ZNF362: variants seen among roughly 807,000 people sequenced by gnomAD.
ZNF362 encodes the protein rotund homolog.
ZNF362 carries 11 observed loss-of-function variants against 42.9 expected under a neutral mutation model. The ratio of observed to expected loss-of-function variants is 0.26; its 90% CI spans 0.16 to 0.42. ZNF362 has a LOEUF of 0.42. ZNF362 is among the 20% of genes least tolerant of loss of function. The probability of loss-of-function intolerance (pLI) is 1.00; values close to 1 mark genes in which losing one functional copy is unlikely to be tolerated. For missense variants in ZNF362, 362 were observed against 576.2 expected (o/e 0.63, Z 3.81); for synonymous variants, 255 against 257.3 (o/e 0.99, Z 0.09).
the ZNF362 span, among the ~76,000 whole-genome samples, chr1:33,239,750 C>T: frequency 6.6e-6 from 1 of 152,102 alleles, no homozygotes; most frequent in East Asian, 1.9e-4. Context: ...GCCCTTGACA[C>T]GTGGAGATTA....
At chr1:33,253,013 TG>T (rs1335644378), upstream of ZNF362, among the ~76,000 whole-genome samples, 1 of 151,532 alleles carries the variant, frequency 6.6e-6, no homozygotes, top group Non-Finnish European at 1.5e-5. Context: ...ATGGACACCT[TG>T]GGAACCAAAG....
At chr1:33,164,786 C>G in the ZNF362 span, 1 of 151,538 alleles carries the variant, frequency 6.6e-6, no homozygotes, top group South Asian at 2.1e-4. Flanking sequence ...TTCATTCATT[C>G]ATTCATTTTA....
chr1:33,293,953 C>T (rs778875655), intron 6 of ZNF362, among the ~76,000 whole-genome samples: 1 of 152,188 alleles, frequency 6.6e-6, no homozygotes, highest in Non-Finnish European at 1.5e-5. Context: ...CCCTCCTTCC[C>T]GTCACTCATG....
chr1:33,296,338 A>G (rs910613207), intron 8 of ZNF362, among the ~76,000 whole-genome samples: 2 of 152,072 alleles, frequency 1.3e-5, no homozygotes, highest in Non-Finnish European at 1.5e-5. Flanking sequence ...GCTGAGCTGC[A>G]GGGCCATGCC....
the ZNF362 span, chr1:33,196,056 A>T: frequency 1.3e-5 from 2 of 152,008 alleles, no homozygotes; most frequent in African/African-American, 4.8e-5. Flanking sequence ...TATTATTCTT[A>T]GGTTTTACTT....
intron 1 of ZNF362, among the ~76,000 whole-genome samples, chr1:33,262,294 A>ATTTTT (rs1645833196): frequency 2.2e-5 from 2 of 93,020 alleles, no homozygotes; most frequent in African/African-American, 8.3e-5. Flanking sequence ...AGGCTTTAGG[A>ATTTTT]TTCTTTTTTT....
the ZNF362 span, among the ~76,000 whole-genome samples, chr1:33,213,272 G>T: frequency 6.6e-6 from 1 of 152,098 alleles, no homozygotes; most frequent in Non-Finnish European, 1.5e-5. Flanking sequence ...GAGATTACAG[G>T]CATGAGCCAC....
At chr1:33,192,956 T>C in the ZNF362 span, among the ~76,000 whole-genome samples, 1 of 144,666 alleles carries the variant, frequency 6.9e-6, no homozygotes, top group Non-Finnish European at 1.5e-5. Context: ...TAGAAATATA[T>C]ACGTATATAT....
At chr1:33,183,354 T>C in the ZNF362 span, among the ~76,000 whole-genome samples, 1 of 152,232 alleles carries the variant, frequency 6.6e-6, no homozygotes, top group Non-Finnish European at 1.5e-5. Context: ...GTTAACACTT[T>C]CTCCATCACA....
intron 1 of ZNF362, among the ~76,000 whole-genome samples, chr1:33,260,669 G>A (rs1219517330): frequency 6.6e-6 from 1 of 152,216 alleles, no homozygotes; most frequent in African/African-American, 2.4e-5. Context: ...AGGTGGTTCT[G>A]GTGTGGTGTG....
the ZNF362 span, among the ~76,000 whole-genome samples, chr1:33,162,511 C>T: frequency 6.6e-6 from 1 of 152,212 alleles, no homozygotes; most frequent in Non-Finnish European, 1.5e-5. Context: ...TGACATCTCC[C>T]TCGGCTCTGC....
At chr1:33,230,268 G>A in the ZNF362 span, among the ~76,000 whole-genome samples, 1,564 of 152,252 alleles carry the variant, frequency 0.01, 32 homozygotes, top group African/African-American at 0.036. Context: ...AACCTGAAAA[G>A]TTCTCAATGA....
the ZNF362 span, among the ~76,000 whole-genome samples, chr1:33,174,995 A>T: frequency 6.9e-6 from 1 of 144,490 alleles, no homozygotes; most frequent in Non-Finnish European, 1.5e-5. Context: ...ATATGCACAC[A>T]CACATGTATG....
At chr1:33,134,340 C>T in the ZNF362 span, among the ~76,000 whole-genome samples, 40 of 152,242 alleles carry the variant, frequency 2.6e-4, no homozygotes, top group Non-Finnish European at 5.0e-4. Context: ...CTAAGGTCCA[C>T]AGCTGGTTAA....
At chr1:33,137,863 T>G in the ZNF362 span, among the ~76,000 whole-genome samples, 1 of 152,140 alleles carries the variant, frequency 6.6e-6, no homozygotes, top group Non-Finnish European at 1.5e-5. Context: ...CCAGAGGGCT[T>G]CCCTTGCCTC....
intron 2 of ZNF362, 123 bp from the exon 3 acceptor site, chr1:33,275,977 G>T: frequency 1.9e-6 from 2 of 1,051,988 alleles, no homozygotes; most frequent in South Asian, 1.4e-5. Context: ...TGTGAGGCTG[G>T]GGGACCCACG....
At chr1:33,275,694 T>C (rs932244308) in intron 2 of ZNF362, among the ~76,000 whole-genome samples, 1 of 152,190 alleles carries the variant, frequency 6.6e-6, no homozygotes, top group Non-Finnish European at 1.5e-5. Flanking sequence ...TTTACAAATT[T>C]GCTGCAGTCC....
chr1:33,154,286 G>C, the ZNF362 span, among the ~76,000 whole-genome samples: 1 of 152,016 alleles, frequency 6.6e-6, no homozygotes, highest in Admixed American at 6.6e-5. Context: ...CCCAGTCACT[G>C]ACCCAGGACA....
At chr1:33,221,842 G>C in the ZNF362 span, among the ~76,000 whole-genome samples, 1 of 152,180 alleles carries the variant, frequency 6.6e-6, no homozygotes, top group African/African-American at 2.4e-5. Context: ...GTAGGATGCA[G>C]TGGATGGGCA....
Sources: gnomAD v4.1 joint callset for allele counts (sites outside exome capture counted in the v4.1 genomes callset) on GRCh38, gnomAD v4.1.1 for gene constraint, MANE v1.5 for transcripts, NCBI Gene and HGNC (gene_info 2026-07-23, HGNC 2026-07-21) for gene names.